The following ZNF541 variants were observed in gnomAD, a reference collection of about 807,000 sequenced individuals.
The protein encoded by ZNF541 is zinc finger protein 541.
ZNF541 carries 23 observed loss-of-function variants against 123.5 expected under a neutral mutation model. The ratio of observed to expected loss-of-function variants is 0.19; its 90% CI spans 0.13 to 0.26. ZNF541 has a LOEUF of 0.26. Among genes scored for constraint, ZNF541 ranks in the 10% least tolerant of loss-of-function variants. ZNF541 has a pLI of 1.00. For synonymous variants in ZNF541, 751 were observed against 754.5 expected (o/e 1.00, Z 0.08); for missense variants, 1,612 against 1,789.9 (o/e 0.90, Z 1.79).
intron 2 of ZNF541, among the ~76,000 whole-genome samples, chr19:47,564,427 C>T (rs1971184295): frequency 6.6e-6 from 1 of 152,218 alleles, no homozygotes; most frequent in South Asian, 2.1e-4. Flanking sequence ...AGAGTTTTAG[C>T]ACCTTCTAGG....
chr19:47,560,603 A>G (rs957904354), intron 2 of ZNF541, among the ~76,000 whole-genome samples: 13 of 150,906 alleles, frequency 8.6e-5, no homozygotes, highest in African/African-American at 2.7e-4. Flanking sequence ...AAAAGTCCAC[A>G]CTGGCAGTTT....
At chr19:47,523,787 G>A (rs1969158356) in intron 14 of ZNF541, among the ~76,000 whole-genome samples, 1 of 152,308 alleles carries the variant, frequency 6.6e-6, no homozygotes, top group Admixed American at 6.5e-5. Context: ...AGCTGAGGTG[G>A]AGCACAGTGC....
At chr19:47,539,941 G>A in intron 7 of ZNF541, 63 bp from the exon 8 acceptor site, 1 of 1,502,692 alleles carries the variant, frequency 6.7e-7, no homozygotes, top group African/African-American at 1.4e-5. Context: ...AGGAAGAGCT[G>A]CTTCAGCAAA....
intron 9 of ZNF541, among the ~76,000 whole-genome samples, chr19:47,533,459 T>C (rs1289664395): frequency 1.4e-5 from 2 of 143,656 alleles, no homozygotes; most frequent in South Asian, 2.2e-4. Context: ...AATTAACTCA[T>C]GACAAGTATA....
rs1371737854 is a variant in ZNF541 at position 47,545,340 on chromosome 19, A to G, written c.1189T>C (p.Phe397Leu). The G allele has an allele frequency of 6.5e-7, 1 of 1,547,128 alleles. No individual in the cohort carries two copies. ...GGSVPACLPLFRGQTVPASSQ... is the reference protein window; with the variant it reads ...GGSVPACLPLLRGQTVPASSQ... ...CTGGCAGGGACCGTCTGGCCTCGGAAGAGAGGCAGGCAGGCAGGCACGGAG... is the reference window on the plus strand; with the variant it reads ...CTGGCAGGGACCGTCTGGCCTCGGAGGAGAGGCAGGCAGGCAGGCACGGAG... The change falls in exon 5 of 17, where the codon TTC becomes CTC. Residue 397 changes from phenylalanine to leucine, a missense_variant. By Grantham distance (22) the Phe-to-Leu change is conservative. Around this residue, in one of 5 missense-constraint regions of ZNF541, gnomAD observed 1,080 missense variants for 1,013.8 expected, o/e 1.07. Transcript: ENST00000391901. This position sits in a 1 kb window ranked among gnomAD's most constrained non-coding sequence, Gnocchi z 7.5.
At chr19:47,528,564 G>A (rs553598685) in intron 14 of ZNF541, among the ~76,000 whole-genome samples, 2 of 151,956 alleles carry the variant, frequency 1.3e-5, no homozygotes, top group African/African-American at 2.4e-5. Context: ...TGATCCTCCC[G>A]CCTTTGGCCT....
intron 5 of ZNF541, among the ~76,000 whole-genome samples, 176 bp from the exon 6 acceptor site, chr19:47,541,127 A>C (rs1032787308): frequency 3.3e-5 from 5 of 152,210 alleles, no homozygotes; most frequent in Non-Finnish European, 7.3e-5. Flanking sequence ...ATCAAAATGT[A>C]AAACTTTTAG....
At chr19:47,565,321 A>G (rs1243755480) in intron 2 of ZNF541, among the ~76,000 whole-genome samples, 1 of 152,186 alleles carries the variant, frequency 6.6e-6, no homozygotes, top group Non-Finnish European at 1.5e-5. Context: ...AAAACTAAAA[A>G]AAGAAAAAAG....
chr19:47,538,358 T>A lies in ZNF541; in HGVS notation c.2878A>T (p.Thr960Ser). The change falls in exon 9 of 17, where the codon ACG (threonine) becomes TCG (serine). Residue 960 changes from threonine to serine, a missense_variant. Thr to Ser is a moderately conservative substitution (Grantham distance 58). This residue lies in a region of ZNF541 where 1,080 missense variants were observed against 1,013.8 expected (regional missense o/e 1.07). Coordinates refer to ENST00000391901, the MANE Select transcript of ZNF541 (RefSeq NM_001277075.3). ...CCTGCAGGGCCAGGCTCCCCAGCCGTGGAGGGTGGGGGCCGCTTCTTCCGC... is the reference window on the plus strand; with the variant it reads ...CCTGCAGGGCCAGGCTCCCCAGCCGAGGAGGGTGGGGGCCGCTTCTTCCGC... ...RKRKKRPPPS[T>S]AGEPGPAGCH... 1 of 1,544,572 alleles carries A rather than the reference T, an allele frequency of 6.5e-7. No individual in the cohort carries two copies. The highest frequency in any genetic ancestry group is 8.7e-7 in the Non-Finnish European group (1 of 1,143,150).
At chr19:47,569,089 G>A (rs185510015) in intron 2 of ZNF541, among the ~76,000 whole-genome samples, 36 of 152,038 alleles carry the variant, frequency 2.4e-4, no homozygotes, top group African/African-American at 8.4e-4. Context: ...TTCCTATATG[G>A]ATTTCTGGTT....
At position 47,524,351 on chromosome 19, in the gene ZNF541, G is replaced by A. The variant is rs1969184789; in HGVS notation, c.3571-2357C>T. ...TCAAAGTCAACCCACCAGAGACACA[G>A]GTGTTAGAATGAGCAGGGAAGGACA... On this transcript the variant is annotated intron_variant, in intron 14 of 16. Coordinates refer to ENST00000391901, the MANE Select transcript of ZNF541 (RefSeq NM_001277075.3). Among the ~76,000 whole-genome samples the A allele has an allele frequency of 2.0e-5, 3 of 152,260 alleles. No individual in the cohort carries two copies. In the South Asian group the frequency reaches 6.2e-4, roughly 32 times the overall value.
At chr19:47,557,854 A>G (rs540731347) in intron 2 of ZNF541, among the ~76,000 whole-genome samples, 5 of 143,496 alleles carry the variant, frequency 3.5e-5, no homozygotes, top group South Asian at 2.2e-4. Context: ...ATCAATTGGG[A>G]AAAAAAAAAA....
rs1299167008 is a variant in ZNF541, at chr19:47,545,425, C to T, written c.1104G>A (p.Pro368=). The change falls in exon 5 of 17, where the codon CCG becomes CCA. Residue 368 remains proline, a synonymous_variant. Coordinates refer to ENST00000391901, the MANE Select transcript of ZNF541 (RefSeq NM_001277075.3). This position sits in a 1 kb window ranked among gnomAD's most constrained non-coding sequence, Gnocchi z 7.5. ...CCTGGAGCAGCGCGGTATCTGGCTC[C>T]GGCTCTGGCGGGTCGGGGGCGCCGT... ...AENGAPDPPE[P]EPDTALLQAR... The T allele has an allele frequency of 2.0e-6, 3 of 1,483,538 alleles. No individual in the cohort carries two copies. Among genetic ancestry groups the T allele is most frequent in the African/African-American group, 1.4e-5 (1 of 70,752 alleles). The allele number at this position is 1,483,538 out of a possible 1,614,324, so 91.9% of individuals were successfully genotyped here. A position where few individuals can be genotyped will look rare whatever the true frequency, so the allele number is the denominator to read the frequency against.
At chr19:47,524,590 C>T (rs1024063513) in intron 14 of ZNF541, among the ~76,000 whole-genome samples, 3 of 151,908 alleles carry the variant, frequency 2.0e-5, no homozygotes, top group Non-Finnish European at 4.4e-5. Flanking sequence ...CACCTGTAAT[C>T]CCAGCTACTC....
intron 2 of ZNF541, among the ~76,000 whole-genome samples, chr19:47,558,808 C>T (rs1254892601): frequency 6.6e-6 from 1 of 151,028 alleles, no homozygotes; most frequent in Non-Finnish European, 1.5e-5. Flanking sequence ...GCAGTGGCGC[C>T]ATCTCCGCTC....
chr19:47,525,114 G>A (rs1599939782), intron 14 of ZNF541, among the ~76,000 whole-genome samples: 1 of 151,992 alleles, frequency 6.6e-6, no homozygotes, highest in South Asian at 2.1e-4. Flanking sequence ...GTGAAACCCT[G>A]TCTCTACTAA....
At chr19:47,537,367 C>T (rs1027915722) in intron 9 of ZNF541, among the ~76,000 whole-genome samples, 1 of 152,032 alleles carries the variant, frequency 6.6e-6, no homozygotes, top group Non-Finnish European at 1.5e-5. Flanking sequence ...AGCTCGAGAC[C>T]AGCCTGGCCA....
intron 9 of ZNF541, among the ~76,000 whole-genome samples, chr19:47,536,376 T>A (rs1273629115): frequency 6.6e-6 from 1 of 152,188 alleles, no homozygotes; most frequent in East Asian, 1.9e-4. Flanking sequence ...TGGCCAGGAT[T>A]ATAGGCACCC....
At chr19:47,549,064 C>CAA (rs78494981) in intron 4 of ZNF541, among the ~76,000 whole-genome samples, 181 bp downstream of exon 4, 77 of 114,516 alleles carry the variant, frequency 6.7e-4, no homozygotes, top group South Asian at 1.1e-3. Flanking sequence ...GGATGACAGA[C>CAA]AAAAAAAAAA....
Sources: allele counts gnomAD v4.1 joint callset (sites outside exome capture counted in the v4.1 genomes callset), GRCh38; gene constraint gnomAD v4.1.1; regional missense constraint gnomAD v4.1.1; non-coding constraint Gnocchi (gnomAD v3.1); transcripts MANE v1.5; gene names NCBI Gene and HGNC (gene_info 2026-07-23, HGNC 2026-07-21).